Variants in NRIP1 observed in about 807,000 individuals in gnomAD.
NRIP1 encodes the protein nuclear receptor-interacting protein 1.
A neutral mutation model predicts 75.0 loss-of-function variants in NRIP1; 28 were observed. The ratio of observed to expected loss-of-function variants is 0.37; its 90% confidence interval spans 0.28 to 0.51. The LOEUF is 0.51. Among genes scored for constraint, NRIP1 ranks in the 20% least tolerant of loss-of-function variants. The pLI is 0.92. For missense variants in NRIP1, 1,435 were observed against 1,343.7 expected (o/e 1.07, Z -1.06); for synonymous variants, 526 against 487.6 (o/e 1.08, Z -1.04).
At chr21:14,986,760 C>G (rs764348255) in intron 3 of NRIP1, among the ~76,000 whole-genome samples, 2 of 152,120 alleles carry the variant, frequency 1.3e-5, no homozygotes, top group Non-Finnish European at 2.9e-5. Flanking sequence ...TTCATTTGAA[C>G]TAACGACTTA....
At chr21:14,999,432 G>A (rs1213017855) in intron 3 of NRIP1, among the ~76,000 whole-genome samples, 1 of 152,008 alleles carries the variant, frequency 6.6e-6, no homozygotes, top group Admixed American at 6.6e-5. Context: ...TTTGATTTAT[G>A]TTCTATTTGG....
chr21:15,030,664 T>C (rs2088622699), intron 2 of NRIP1, among the ~76,000 whole-genome samples: 1 of 152,176 alleles, frequency 6.6e-6, no homozygotes, highest in South Asian at 2.1e-4. Context: ...TATTTAACAA[T>C]GTTCTACAGA....
intron 1 of NRIP1, among the ~76,000 whole-genome samples, chr21:15,057,323 T>G (rs1270229392): frequency 1.3e-5 from 2 of 152,166 alleles, no homozygotes. Flanking sequence ...GACAAGCTAT[T>G]TCAATGAATT....
intron 1 of NRIP1, among the ~76,000 whole-genome samples, chr21:15,049,422 A>G (rs1231510132): frequency 6.6e-6 from 1 of 152,148 alleles, no homozygotes; most frequent in African/African-American, 2.4e-5. Flanking sequence ...CCTCAAGAGT[A>G]TATCAAAACA....
At chr21:15,030,376 C>G (rs1197865174) in intron 2 of NRIP1, among the ~76,000 whole-genome samples, 1 of 152,188 alleles carries the variant, frequency 6.6e-6, no homozygotes, top group African/African-American at 2.4e-5. Context: ...CACAGTTTCC[C>G]ACACTGGGTT....
At chr21:15,018,978 C>T (rs1304560748) in intron 2 of NRIP1, among the ~76,000 whole-genome samples, 2 of 151,940 alleles carry the variant, frequency 1.3e-5, no homozygotes, top group Non-Finnish European at 2.9e-5. Context: ...AGCTGCTATT[C>T]CCTCTTCCCT....
At position 15,010,806 on chromosome 21, in the gene NRIP1, C is replaced by A. The variant is rs2088083826; in HGVS notation, c.-335+3538G>T. Among the ~76,000 whole-genome samples, 4 of 152,004 alleles carry A rather than the reference C, an allele frequency of 2.6e-5. 1 individual carries two copies. Among genetic ancestry groups the A allele is most frequent in the Admixed American group, 2.6e-4 (4 of 15,252 alleles). On this transcript the variant is annotated intron_variant, in intron 3 of 3. Transcript: ENST00000318948. ...AGATGAGAAATGATAAGACTCTGAA[C>A]GAAGATGGCTGGCTGTGAGAAAGGG...
chr21:15,059,490 T>C (rs1326390392), intron 1 of NRIP1, among the ~76,000 whole-genome samples: 1 of 152,066 alleles, frequency 6.6e-6, no homozygotes, highest in African/African-American at 2.4e-5. Flanking sequence ...TTATTTTTTT[T>C]TGCTACCCCA....
chr21:15,047,954 T>G (rs1393346152), intron 1 of NRIP1, among the ~76,000 whole-genome samples: 1 of 152,242 alleles, frequency 6.6e-6, no homozygotes, highest in South Asian at 2.1e-4. Context: ...TTTAAATACT[T>G]AGCCATTATA....
chr21:15,043,481 AC>A lies in NRIP1; in HGVS notation c.-458+13del, dbSNP rs2089003418. ...ACATTTTTAAAAGTGGGGCAATGAG[AC>A]AAAAGACAATACCTTCTGGCTGTGT... On this transcript the variant is annotated intron_variant, in intron 2 of 3. Transcript: ENST00000318948. 6.6e-6 allele frequency: 1 copy of A among 152,208 alleles called. No individual in the cohort carries two copies. Among genetic ancestry groups the A allele is most frequent in the African/African-American group, 2.4e-5 (1 of 41,460 alleles). 9.4% of individuals were successfully genotyped at this position (152,208 alleles called of 1,614,324 possible). A position where few individuals can be genotyped will look rare whatever the true frequency, so the allele number is the denominator to read the frequency against.
At chr21:15,012,203 G>C (rs892438746) in intron 3 of NRIP1, among the ~76,000 whole-genome samples, 5 of 152,068 alleles carry the variant, frequency 3.3e-5, no homozygotes, top group Non-Finnish European at 7.4e-5. Flanking sequence ...GTTAATGAAA[G>C]GCATATTGAA....
Position 15,043,534 on chromosome 21 carries a change from C to T in NRIP1, c.-497G>A, listed in dbSNP as rs1469557731. ...TCTCCCAAATGTTAAAATAATGAGT[C>T]CTGAGAACAGTTCTGAAATAGCTCA... On this transcript the variant is annotated 5_prime_UTR_variant, in exon 2 of 4. Transcript: ENST00000318948. 2 of 152,098 alleles carry T rather than the reference C, an allele frequency of 1.3e-5. No individual in the cohort carries two copies. The highest frequency in any genetic ancestry group is 3.9e-4 in the East Asian group (2 of 5,182). The allele number at this position is 152,098 out of a possible 1,614,324, so 9.4% of individuals were successfully genotyped here. A position where few individuals can be genotyped will look rare whatever the true frequency, so the allele number is the denominator to read the frequency against.
intron 3 of NRIP1, among the ~76,000 whole-genome samples, chr21:14,977,839 A>G (rs1469383703): frequency 6.6e-6 from 1 of 152,196 alleles, no homozygotes; most frequent in Non-Finnish European, 1.5e-5. Context: ...AGATGCCAAA[A>G]ATAATTATCT....
chr21:15,034,110 C>A (rs1483305691), intron 2 of NRIP1, among the ~76,000 whole-genome samples: 1 of 152,172 alleles, frequency 6.6e-6, no homozygotes, highest in Non-Finnish European at 1.5e-5. Flanking sequence ...AGGATAAACA[C>A]CCTGAATTTC....
At chr21:14,989,022 T>A (rs558985913) in intron 3 of NRIP1, among the ~76,000 whole-genome samples, 1 of 152,172 alleles carries the variant, frequency 6.6e-6, no homozygotes, top group Non-Finnish European at 1.5e-5. Context: ...AGTACTCCGA[T>A]CACCAGGTTC....
chr21:15,007,449 A>C (rs191219555), intron 3 of NRIP1, among the ~76,000 whole-genome samples: 19 of 152,346 alleles, frequency 1.2e-4, no homozygotes, highest in African/African-American at 4.3e-4. Context: ...CGATAAAAAT[A>C]ATTACTATAT....
chr21:15,059,164 G>T (rs1334536105), intron 1 of NRIP1, among the ~76,000 whole-genome samples: 2 of 152,154 alleles, frequency 1.3e-5, no homozygotes, highest in Admixed American at 1.3e-4. Context: ...CCCAGGAGTA[G>T]CTTAAGCGGA....
chr21:15,058,985 T>G (rs375133657), intron 1 of NRIP1, among the ~76,000 whole-genome samples: 3 of 152,318 alleles, frequency 2.0e-5, no homozygotes, highest in Admixed American at 1.3e-4. Context: ...AGTTTCTCTG[T>G]TGTGCTCAAT....
rs751624261 is a variant in NRIP1, at chr21:14,965,557, T to G, written c.2636A>C (p.Asp879Ala). The stretch of plus-strand genomic sequence containing the variant: ...TGGGGCACTGTGATTGTTTGCAGCA[T>G]CAACAATGTTGTTTTTCATCTTTTT... Reference protein sequence around the residue: ...PFKKMKNNIVDAANNHSAPEV... With the variant: ...PFKKMKNNIVAAANNHSAPEV... Residue 879 changes from aspartate (D) to alanine (A), a missense_variant, in exon 4 of 4, where the codon GAT becomes GCT. Physicochemically the swap from Asp to Ala is moderately radical, Grantham distance 126 (BLOSUM62 -2). Transcript: ENST00000318948. The G allele has an allele frequency of 1.2e-6, 2 of 1,614,042 alleles. No individual in the cohort carries two copies. Among genetic ancestry groups the G allele is most frequent in the Non-Finnish European group, 1.7e-6 (2 of 1,179,900 alleles).
Sources: gnomAD v4.1 joint callset for allele counts (sites outside exome capture counted in the v4.1 genomes callset) on GRCh38, gnomAD v4.1.1 for gene constraint, MANE v1.5 for transcripts, NCBI Gene and HGNC (gene_info 2026-07-23, HGNC 2026-07-21) for gene names.